CPEB4: variants seen among roughly 807,000 people sequenced by gnomAD.
The protein encoded by CPEB4 is cytoplasmic polyadenylation element binding protein 4.
Under a neutral mutation model 72.5 loss-of-function variants are expected in CPEB4, and 12 were observed. The observed-to-expected ratio is 0.17, with a 90% CI of 0.11 to 0.27. The LOEUF (loss-of-function observed/expected upper bound fraction) is 0.27. CPEB4 is among the 10% of genes least tolerant of loss of function. CPEB4 has a pLI of 1.00. For missense variants in CPEB4, 614 were observed against 908.5 expected (o/e 0.68, Z 4.17); for synonymous variants, 302 against 326.3 (o/e 0.93, Z 0.80).
chr5:173,952,378 C>T (rs1025039359), intron 8 of CPEB4, among the ~76,000 whole-genome samples: 5 of 152,270 alleles, frequency 3.3e-5, no homozygotes, highest in East Asian at 1.9e-4. Flanking sequence ...TGCTCAACAG[C>T]GACTGACTGA....
rs1261971527 is a variant in CPEB4, at chr5:173,950,402, C to T, written c.1665+324C>T. ...GGTGGATCACATGAGGTCAGGAGTT[C>T]GAGACCAGCCTGGCCAACATGGTGA... is the stretch of plus-strand genomic sequence containing the variant. On this transcript the variant is annotated intron_variant, in intron 7 of 9. Transcript: ENST00000265085. The surrounding 1 kb of genome is among the most constrained non-coding windows in gnomAD (Gnocchi z 5.0). Among the ~76,000 whole-genome samples, 4 of 152,038 alleles carry T rather than the reference C, an allele frequency of 2.6e-5. No individual in the cohort carries two copies. Among genetic ancestry groups the T allele is most frequent in the Admixed American group, 6.6e-5 (1 of 15,252 alleles).
At position 173,950,603 on chromosome 5, in the gene CPEB4, CAAAATAAAAT is replaced by C. The variant is rs61670372; in HGVS notation, c.1665+550_1665+559del. The stretch of plus-strand genomic sequence containing the variant: ...CTGGGTGAAAAGTGAGACTCTGTCT[CAAAATAAAAT>C]AAAATAAAATAAAATAAAATAAAAA... On this transcript the variant is annotated intron_variant, in intron 7 of 9. Transcript: ENST00000265085. This position sits in a 1 kb window ranked among gnomAD's most constrained non-coding sequence, Gnocchi z 5.0. Among the ~76,000 whole-genome samples the C allele has an allele frequency of 5.4e-4, 81 of 149,326 alleles. No homozygotes were observed. Among genetic ancestry groups the C allele is most frequent in the African/African-American group, 1.2e-3 (48 of 40,506 alleles).
At chr5:173,893,036 T>TGTGTGTGTGTGTGTGAGA (rs55993382) in intron 1 of CPEB4, 7 of 100,976 alleles carry the variant, frequency 6.9e-5, no homozygotes, top group African/African-American at 2.3e-4. Context: ...TGTGTGTGTG[T>TGTGTGTGTGTGTGTGAGA]GAGAGAGAGA....
At chr5:173,906,620 T>C (rs1756445121) in intron 1 of CPEB4, among the ~76,000 whole-genome samples, 1 of 152,220 alleles carries the variant, frequency 6.6e-6, no homozygotes, top group South Asian at 2.1e-4. Context: ...TGAGTCCCTG[T>C]AGAGCCTGAG....
At chr5:173,906,507 G>C (rs1439292674) in intron 1 of CPEB4, among the ~76,000 whole-genome samples, 1 of 152,166 alleles carries the variant, frequency 6.6e-6, no homozygotes, top group Non-Finnish European at 1.5e-5. Context: ...TAATAAGTTT[G>C]GGTTGTGGGG....
chr5:173,947,718 G>A (rs919587644), intron 5 of CPEB4, among the ~76,000 whole-genome samples: 13 of 152,098 alleles, frequency 8.5e-5, no homozygotes, highest in African/African-American at 1.9e-4. Context: ...GTGTTTGGGC[G>A]TGTATTTCTT....
rs1245978903 is a variant in CPEB4, at chr5:173,956,272, G to T, written c.*135G>T. 1 of 656,806 alleles carries T rather than the reference G, an allele frequency of 1.5e-6. No homozygotes were observed. Among genetic ancestry groups the T allele is most frequent in the South Asian group, 1.9e-5 (1 of 52,292 alleles). The allele number at this position is 656,806 out of a possible 1,614,324, so 40.7% of individuals were successfully genotyped here. Reference sequence around the variant, plus strand: ...TAACTTAACTATAGTATAATGAAAAGAATGACCTATAATATAGGTGTTTTG... The same window carrying T: ...TAACTTAACTATAGTATAATGAAAATAATGACCTATAATATAGGTGTTTTG... On this transcript the variant is annotated 3_prime_UTR_variant, in exon 10 of 10. Transcript: ENST00000265085.
intron 2 of CPEB4, among the ~76,000 whole-genome samples, chr5:173,930,472 C>T (rs1321973948): frequency 6.6e-6 from 1 of 152,044 alleles, no homozygotes. Flanking sequence ...TAAAAAGTAG[C>T]CTAGATAGAA....
In CPEB4 at chr5:173,917,562, C is replaced by A. The variant is rs570859725; in HGVS notation, c.1207+6958C>A. Among the ~76,000 whole-genome samples the A allele has an allele frequency of 5.3e-3, 800 of 152,246 alleles. 2 individuals are homozygous for A. Among genetic ancestry groups the A allele is most frequent in the Non-Finnish European group, 8.5e-3 (578 of 68,008 alleles). On this transcript the variant is annotated intron_variant, in intron 2 of 9. Coordinates refer to ENST00000265085, the MANE Select transcript of CPEB4 (RefSeq NM_030627.4). ...GCCAACATGGTGAAACCCGTCTCTACTAAAAATGTAAAAATTAGCAGGGCG... is the reference window on the plus strand; with the variant it reads ...GCCAACATGGTGAAACCCGTCTCTAATAAAAATGTAAAAATTAGCAGGGCG...
Position 173,889,815 on chromosome 5 carries a change from C to T in CPEB4, c.82C>T (p.Leu28=), listed in dbSNP as rs944578433. The part of the protein sequence containing the change: ...SAFPVRFHPH[L]QPPHHHQNAT... ...TTTTCCAGTCAGATTCCATCCACAT[C>T]TGCAGCCTCCACACCATCACCAAAA... Residue 28 remains leucine, a synonymous_variant, in exon 1 of 10, where the codon CTG becomes TTG. Coordinates refer to ENST00000265085, the MANE Select transcript of CPEB4 (RefSeq NM_030627.4). 5.0e-6 allele frequency: 8 copies of T among 1,614,066 alleles called. No individual in the cohort carries two copies. The African/African-American group carries it at 8.0e-5, about 16-fold the overall frequency.
At chr5:173,906,461 A>G (rs968034197) in intron 1 of CPEB4, among the ~76,000 whole-genome samples, 3 of 152,258 alleles carry the variant, frequency 2.0e-5, no homozygotes, top group Non-Finnish European at 1.5e-5. Flanking sequence ...TTACCAAAGC[A>G]TCATAAACAA....
intron 2 of CPEB4, among the ~76,000 whole-genome samples, chr5:173,928,828 T>C (rs1757339633): frequency 6.6e-6 from 1 of 152,200 alleles, no homozygotes; most frequent in Non-Finnish European, 1.5e-5. Flanking sequence ...GACAACTCTT[T>C]AGATATTTTA....
chr5:173,959,030 A>G lies in CPEB4; in HGVS notation c.*2893A>G, dbSNP rs936226269. ...TTACACTTCAATTTACAGGGCATAA[A>G]CAATGATTATCTATTACTCTGAACT... On this transcript the variant is annotated 3_prime_UTR_variant, in exon 10 of 10. Coordinates refer to ENST00000265085, the MANE Select transcript of CPEB4 (RefSeq NM_030627.4). The G allele has an allele frequency of 3.9e-5, 6 of 152,792 alleles. No individual in the cohort carries two copies. The highest frequency in any genetic ancestry group is 6.5e-5 in the Admixed American group (1 of 15,280). The allele number at this position is 152,792 out of a possible 1,614,324, so 9.5% of individuals were successfully genotyped here. A position where few individuals can be genotyped will look rare whatever the true frequency, so the allele number is the denominator to read the frequency against.
chr5:173,955,458 C>T lies in CPEB4; in HGVS notation c.1963-452C>T, dbSNP rs1278284553. Among the ~76,000 whole-genome samples, 1 of 152,028 alleles carries T rather than the reference C, an allele frequency of 6.6e-6. No homozygotes were observed. The highest frequency in any genetic ancestry group is 1.9e-4 in the East Asian group (1 of 5,182). ...GCTCAGAATCTTGTGACGCAGTAGTCAGGCATCTTCACACCAACTTGAATA... is the reference window on the plus strand; with the variant it reads ...GCTCAGAATCTTGTGACGCAGTAGTTAGGCATCTTCACACCAACTTGAATA... On this transcript the variant is annotated intron_variant, in intron 9 of 9. Transcript: ENST00000265085. The surrounding 1 kb of genome is among the most constrained non-coding windows in gnomAD (Gnocchi z 4.7).
chr5:173,946,197 T>A (rs1758009806), intron 5 of CPEB4, among the ~76,000 whole-genome samples: 1 of 152,186 alleles, frequency 6.6e-6, no homozygotes, highest in Non-Finnish European at 1.5e-5. Flanking sequence ...AGGTTTTTGC[T>A]TTTTCTTGTT....
intron 1 of CPEB4, among the ~76,000 whole-genome samples, chr5:173,909,619 A>G (rs1434951273): frequency 6.6e-6 from 1 of 152,132 alleles, no homozygotes. Context: ...AAATCTTCAG[A>G]GAAGGCAAAT....
At chr5:173,951,297 A>G (rs935565265) in intron 7 of CPEB4, among the ~76,000 whole-genome samples, 3 of 148,966 alleles carry the variant, frequency 2.0e-5, no homozygotes, top group African/African-American at 7.3e-5. Flanking sequence ...TAATGGATAC[A>G]CTGAAGTATT....
In CPEB4 at chr5:173,921,631, C is replaced by T. The variant is rs568974414; in HGVS notation, c.1208-10819C>T. ...AGGGAGCCATCTGACGAGATGGGTGCACTCCGTGTTGTATAACATGGCAGT... is the reference window on the plus strand; with the variant it reads ...AGGGAGCCATCTGACGAGATGGGTGTACTCCGTGTTGTATAACATGGCAGT... On this transcript the variant is annotated intron_variant, in intron 2 of 9. Coordinates refer to ENST00000265085, the MANE Select transcript of CPEB4 (RefSeq NM_030627.4). Among the ~76,000 whole-genome samples, 2 of 152,200 alleles carry T rather than the reference C, an allele frequency of 1.3e-5. 1 individual carries two copies. The highest frequency in any genetic ancestry group is 1.3e-4 in the Admixed American group (2 of 15,290).
At position 173,955,705 on chromosome 5, in the gene CPEB4, G is replaced by GA. The variant is rs765224795; in HGVS notation, c.1963-198dup. ...CCTTTAAAGGATGTTTATTTAATAA[G>GA]AAAAAAATGTAAAATGATAGATAAT... is the stretch of plus-strand genomic sequence containing the variant. On this transcript the variant is annotated intron_variant, in intron 9 of 9. Coordinates refer to ENST00000265085, the MANE Select transcript of CPEB4 (RefSeq NM_030627.4). This position sits in a 1 kb window ranked among gnomAD's most constrained non-coding sequence, Gnocchi z 4.7. 2.6e-5 allele frequency among the ~76,000 whole-genome samples: 4 copies of GA among 151,882 alleles called. No individual in the cohort carries two copies. The highest frequency in any genetic ancestry group is 5.9e-5 in the Non-Finnish European group (4 of 67,966).
Sources: gnomAD v4.1 joint callset for allele counts (sites outside exome capture counted in the v4.1 genomes callset) on GRCh38, gnomAD v4.1.1 for gene constraint, Gnocchi (gnomAD v3.1) non-coding constraint, MANE v1.5 for transcripts, NCBI Gene and HGNC (gene_info 2026-07-23, HGNC 2026-07-21) for gene names.